The following COL4A5 variants were observed in gnomAD, a reference collection of about 807,000 sequenced individuals.
COL4A5 encodes the protein collagen type IV alpha 5 chain.
Under a neutral mutation model 130.2 loss-of-function variants are expected in COL4A5, and 26 were observed. The ratio of observed to expected loss-of-function variants is 0.20; its 90% CI spans 0.15 to 0.28. COL4A5 has a LOEUF of 0.28. Among genes scored for constraint, COL4A5 ranks in the 10% least tolerant of loss-of-function variants. The pLI is 1.00. For synonymous variants in COL4A5, 496 were observed against 439.6 expected (o/e 1.13, Z -1.60); for missense variants, 1,131 against 1,344.3 (o/e 0.84, Z 2.48).
intron 42 of COL4A5, among the ~76,000 whole-genome samples, chrX:108,671,882 G>A (rs1327038585): frequency 4.5e-5 from 5 of 111,957 alleles, no homozygotes; most frequent in Non-Finnish European, 9.4e-5. Context: ...CTAATTGAGA[G>A]GAGGGCTCAG....
intron 1 of COL4A5, among the ~76,000 whole-genome samples, chrX:108,465,761 C>T: frequency 9.0e-6 from 1 of 111,417 alleles, no homozygotes; most frequent in Admixed American, 9.5e-5. Context: ...TTTTGGTGTG[C>T]AGTGTGAGTT....
At chrX:108,532,583 A>G (rs1024203107) in intron 1 of COL4A5, among the ~76,000 whole-genome samples, 2 of 111,396 alleles carry the variant, frequency 1.8e-5, no homozygotes, top group African/African-American at 3.3e-5. Context: ...ATTAAGAGCA[A>G]TCAAGCAAGT....
chrX:108,547,707 G>T (rs1480342154), intron 2 of COL4A5, among the ~76,000 whole-genome samples: 1 of 112,056 alleles, frequency 8.9e-6, no homozygotes, highest in Admixed American at 9.4e-5. Context: ...GCCCCCAGAG[G>T]TGGAGTCTAC....
intron 43 of COL4A5, 43 bp from the exon 44 acceptor site, chrX:108,677,457 T>C (rs1345609715): frequency 8.4e-7 from 1 of 1,187,672 alleles, no homozygotes; most frequent in South Asian, 1.8e-5. Flanking sequence ...ATGCTACTCT[T>C]AACACTATAC....
chrX:108,666,560 T>G lies in COL4A5; in HGVS notation c.3519T>G (p.Gly1173=), dbSNP rs61735627. The G allele has an allele frequency of 5.8e-3, 6,962 of 1,206,410 alleles. 242 individuals are homozygous for G. The African/African-American group carries it at 0.11, about 18-fold the overall frequency. The change falls in exon 39 of 53, where the codon GGT becomes GGG. Residue 1173 remains glycine, a synonymous_variant. Transcript: ENST00000328300. ...PGEKGKPGQD[G]IPGPAGQKGE... ...AAAAAGGCAAACCCGGTCAAGATGG[T>G]ATTCCTGGACCAGCTGGACAGAAGG...
intron 2 of COL4A5, among the ~76,000 whole-genome samples, chrX:108,553,490 G>A (rs377587374): frequency 9.0e-6 from 1 of 111,273 alleles, no homozygotes; most frequent in East Asian, 2.8e-4. Flanking sequence ...ATAGATACAC[G>A]AAAAGATCCT....
intron 16 of COL4A5, 117 bp downstream of exon 16, chrX:108,581,144 G>T (rs886174669): frequency 1.6e-5 from 10 of 629,535 alleles, no homozygotes; most frequent in African/African-American, 1.6e-4. Context: ...TAGTTTAAAT[G>T]AATTGAAATT....
rs191892332 is a variant in COL4A5 at position 108,667,037 on chromosome X, T to C, written c.3554-96T>C. 2.7e-3 allele frequency: 2,028 copies of C among 751,927 alleles called. 2 individuals are homozygous for C. The highest frequency in any genetic ancestry group is 3.6e-3 in the Non-Finnish European group (1,707 of 479,749). 62.0% of individuals were successfully genotyped at this position (751,927 alleles called of 1,213,427 possible). ...TTCATATAATATACATTGCTGCACC[T>C]AATGAAAACCTCAATGATCTAAAAA... On this transcript the variant is annotated intron_variant, in intron 39 of 52. Coordinates refer to ENST00000328300, the MANE Select transcript of COL4A5 (RefSeq NM_033380.3).
At chrX:108,593,087 G>T (rs2066461528) in intron 21 of COL4A5, among the ~76,000 whole-genome samples, 1 of 111,404 alleles carries the variant, frequency 9.0e-6, no homozygotes, top group South Asian at 3.7e-4. Context: ...TGGACATTTG[G>T]TCTGGAGCTA....
chrX:108,679,229 A>G (rs2068373627), intron 44 of COL4A5, among the ~76,000 whole-genome samples: 1 of 112,240 alleles, frequency 8.9e-6, no homozygotes, highest in South Asian at 3.7e-4. Context: ...ACATTAAGAT[A>G]GTGCAAATAT....
chrX:108,673,443 A>C (rs1236654002), intron 42 of COL4A5, among the ~76,000 whole-genome samples: 4 of 111,502 alleles, frequency 3.6e-5, no homozygotes, highest in Non-Finnish European at 7.5e-5. Context: ...TTAGTCAATT[A>C]ACACTAACCA....
intron 1 of COL4A5, among the ~76,000 whole-genome samples, chrX:108,470,984 A>C (rs943385120): frequency 6.3e-5 from 7 of 111,069 alleles, no homozygotes; most frequent in Admixed American, 3.8e-4. Flanking sequence ...TGGGTTCTTT[A>C]CCCTGTTCCA....
At chrX:108,689,284 A>G (rs2068606726) in intron 49 of COL4A5, 12 of 703,020 alleles carry the variant, frequency 1.7e-5, no homozygotes, top group Non-Finnish European at 2.0e-5. Context: ...TCTCCTATAA[A>G]TTTCTTTTTT....
chrX:108,609,340 C>T (rs934274268), intron 29 of COL4A5, among the ~76,000 whole-genome samples: 1 of 111,839 alleles, frequency 8.9e-6, no homozygotes, highest in Admixed American at 9.5e-5. Context: ...TTTTAATTTA[C>T]GTTTCCCTGA....
At chrX:108,555,416 T>G (rs1237551527) in intron 2 of COL4A5, among the ~76,000 whole-genome samples, 5 of 112,291 alleles carry the variant, frequency 4.5e-5, no homozygotes, top group African/African-American at 1.6e-4. Flanking sequence ...ATAGGTATTA[T>G]GCAAAAAAGA....
intron 44 of COL4A5, 59 bp downstream of exon 44, chrX:108,677,692 G>A: frequency 1.7e-6 from 2 of 1,147,915 alleles, no homozygotes; most frequent in East Asian, 3.0e-5. Context: ...TATTCAAAAT[G>A]TGAATTCTAA....
In COL4A5 at chrX:108,469,264, G is replaced by A. The variant is rs193100929; in HGVS notation, c.81+29058G>A. Among the ~76,000 whole-genome samples, 54 of 98,027 alleles carry A rather than the reference G, an allele frequency of 5.5e-4. No individual in the cohort carries two copies. The East Asian group carries it at 0.016, about 30-fold the overall frequency. 85.1% of individuals were successfully genotyped at this position (98,027 alleles called of 115,157 possible). A position where few individuals can be genotyped will look rare whatever the true frequency, so the allele number is the denominator to read the frequency against. ...AAGGATCCTCCTTCCTCAGTCTCCC[G>A]AGTAGCTGGGACTACAGGCACCTGT... On this transcript the variant is annotated intron_variant, in intron 1 of 52. Transcript: ENST00000328300.
At chrX:108,559,226 C>G in intron 3 of COL4A5, 73 bp downstream of exon 3, 1 of 789,179 alleles carries the variant, frequency 1.3e-6, no homozygotes, top group African/African-American at 2.0e-5. Flanking sequence ...GGTGTCACAT[C>G]AACTAAAAAG....
intron 31 of COL4A5, among the ~76,000 whole-genome samples, chrX:108,621,027 T>C (rs773745008): frequency 9.0e-6 from 1 of 110,993 alleles, no homozygotes; most frequent in Non-Finnish European, 1.9e-5. Flanking sequence ...TTTTTCTTTC[T>C]TTTTCCCTTT....
Sources: gnomAD v4.1 joint callset for allele counts (sites outside exome capture counted in the v4.1 genomes callset) on GRCh38, gnomAD v4.1.1 for gene constraint, MANE v1.5 for transcripts, NCBI Gene and HGNC (gene_info 2026-07-23, HGNC 2026-07-21) for gene names.